KRT80: variants seen among roughly 807,000 people sequenced by gnomAD.
KRT80 encodes the protein keratin 80.
In KRT80, 36 loss-of-function variants were observed where a neutral mutation model predicts 51.5. That is an observed-to-expected ratio of 0.70 (90% CI 0.54 to 0.92). KRT80 has a LOEUF of 0.92. KRT80 is among the 40% of genes least tolerant of loss of function. KRT80 has a pLI of 0.00. For synonymous variants in KRT80, 235 were observed against 248.3 expected, an observed-to-expected ratio of 0.95 and a Z score of 0.50; for missense variants, 566 against 591.7, an observed-to-expected ratio of 0.96 and a Z score of 0.45.
Position 52,180,761 on chromosome 12 carries a change from G to T in KRT80, c.570+142C>A, listed in dbSNP as rs751806894. The T allele has an allele frequency of 3.5e-5, 56 of 1,584,026 alleles. No individual in the cohort carries two copies. In the Admixed American group the frequency reaches 8.2e-4, roughly 23 times the overall value. ...AAAAAGGAGCTGGATGGGGATGGGG[G>T]TATCTCCCTGTCTGTCTGTTGGTCC... On this transcript the variant is annotated intron_variant, in intron 3 of 8. Coordinates refer to ENST00000394815, the MANE Select transcript of KRT80 (RefSeq NM_182507.3).
chr12:52,175,861 C>T (rs1941209542), intron 4 of KRT80, among the ~76,000 whole-genome samples: 1 of 152,204 alleles, frequency 6.6e-6, no homozygotes, highest in Non-Finnish European at 1.5e-5. Flanking sequence ...CACTAGCCGA[C>T]ATTTCCCATG....
At chr12:52,182,993 G>A (rs1362771009) in intron 2 of KRT80, among the ~76,000 whole-genome samples, 1 of 152,172 alleles carries the variant, frequency 6.6e-6, no homozygotes, top group African/African-American at 2.4e-5. Context: ...GTTTGACCTG[G>A]TACCCTGCAT....
rs767569862 is a variant in KRT80, at chr12:52,171,731, G to C, written c.1179-18C>G. 65 of 1,431,282 alleles carry C rather than the reference G, an allele frequency of 4.5e-5. 1 individual carries two copies. Among genetic ancestry groups the C allele is most frequent in the East Asian group, 1.2e-4 (5 of 40,628 alleles). The allele number at this position is 1,431,282 out of a possible 1,614,324, so 88.7% of individuals were successfully genotyped here. On this transcript the variant is annotated intron_variant, in intron 7 of 8. Coordinates refer to ENST00000394815, the MANE Select transcript of KRT80 (RefSeq NM_182507.3). The stretch of plus-strand genomic sequence containing the variant: ...AGTCCATCCTGGGGGTGGGGGACGG[G>C]GGGGTGGGAGAGGGATATGATGGGA...
At chr12:52,186,463 G>A (rs552156561) in intron 1 of KRT80, among the ~76,000 whole-genome samples, 1 of 152,198 alleles carries the variant, frequency 6.6e-6, no homozygotes, top group South Asian at 2.1e-4. Context: ...TGCTCTACAT[G>A]CTTGACCCAT....
intron 1 of KRT80, among the ~76,000 whole-genome samples, chr12:52,187,150 C>A (rs1941419616): frequency 1.3e-5 from 2 of 152,234 alleles, no homozygotes; most frequent in African/African-American, 4.8e-5. Flanking sequence ...CTGGTTGGGG[C>A]CTGGCTCCCG....
intron 3 of KRT80, 75 bp downstream of exon 3, chr12:52,180,828 G>A (rs760534379): frequency 1.9e-6 from 3 of 1,608,710 alleles, no homozygotes; most frequent in South Asian, 1.1e-5. Context: ...GCATAAAGGA[G>A]AGTAGGATAT....
chr12:52,183,476 A>G (rs989858258), intron 2 of KRT80, among the ~76,000 whole-genome samples: 5 of 152,242 alleles, frequency 3.3e-5, no homozygotes, highest in Non-Finnish European at 5.9e-5. Flanking sequence ...GGCTCTGCAC[A>G]GTCAGGCTGT....
chr12:52,173,551 C>T, intron 5 of KRT80, 49 bp downstream of exon 5: 1 of 1,588,842 alleles, frequency 6.3e-7, no homozygotes, highest in Non-Finnish European at 8.6e-7. Context: ...TTCCTGCCAC[C>T]CAGAGAACTG....
intron 4 of KRT80, among the ~76,000 whole-genome samples, chr12:52,175,636 G>A (rs941365173): frequency 8.5e-5 from 13 of 152,214 alleles, no homozygotes; most frequent in East Asian, 3.9e-4. Flanking sequence ...CGGTAGTGGC[G>A]GGCATTCGGA....
In KRT80 at chr12:52,169,541, T is replaced by C. The variant is rs1412949153; in HGVS notation, c.*1857A>G. On this transcript the variant is annotated 3_prime_UTR_variant, in exon 9 of 9. Transcript: ENST00000394815. Reference sequence around the variant, plus strand: ...ACACAGCTTTCTCCATAGACAAATCTCAACACTTTATTCATCCTGTGGCAG... The same window carrying C: ...ACACAGCTTTCTCCATAGACAAATCCCAACACTTTATTCATCCTGTGGCAG... The C allele has an allele frequency of 6.6e-6, 1 of 152,540 alleles. No homozygotes were observed. Among genetic ancestry groups the C allele is most frequent in the Non-Finnish European group, 1.5e-5 (1 of 68,010 alleles). The allele number at this position is 152,540 out of a possible 1,614,324, so 9.4% of individuals were successfully genotyped here.
chr12:52,176,763 G>A (rs894085832), intron 4 of KRT80, among the ~76,000 whole-genome samples: 1 of 152,230 alleles, frequency 6.6e-6, no homozygotes, highest in African/African-American at 2.4e-5. Context: ...TTACAGGCGT[G>A]AGCCACTGTG....
At chr12:52,174,503 C>T (rs1477772272) in intron 4 of KRT80, among the ~76,000 whole-genome samples, 1 of 152,286 alleles carries the variant, frequency 6.6e-6, no homozygotes, top group South Asian at 2.1e-4. Context: ...ATATTTTCAC[C>T]GTCTCCTATC....
At position 52,191,822 on chromosome 12, in the gene KRT80, T is replaced by A; in HGVS notation, c.81A>T (p.Gly27=). 6.3e-7 allele frequency: 1 copy of A among 1,596,430 alleles called. No individual in the cohort carries two copies. Among genetic ancestry groups the A allele is most frequent in the Non-Finnish European group, 8.5e-7 (1 of 1,170,050 alleles). ...CCCTGCAGCTGTCCCATCCTGAGGT[T>A]CCAGGCCGGGGGCTGCCCACCGGGG... is the stretch of plus-strand genomic sequence containing the variant. ...EVTPVGSPRP[G]TSGWDSCRAP... is the part of the protein sequence containing the mutation. Residue 27 remains glycine, a synonymous_variant, in exon 1 of 9, where the codon GGA becomes GGT. Transcript: ENST00000394815.
At chr12:52,172,790 G>A (rs1941133931) in intron 6 of KRT80, among the ~76,000 whole-genome samples, 1 of 152,208 alleles carries the variant, frequency 6.6e-6, no homozygotes, top group Admixed American at 6.5e-5. Flanking sequence ...GGTGTGTGTA[G>A]TGTGGGGGCT....
intron 4 of KRT80, 46 bp from the exon 5 acceptor site, chr12:52,173,810 C>G: frequency 6.3e-7 from 1 of 1,580,262 alleles, no homozygotes; most frequent in Non-Finnish European, 8.6e-7. Flanking sequence ...GGGGAGGGCA[C>G]AAGGACCCTC....
intron 1 of KRT80, among the ~76,000 whole-genome samples, chr12:52,185,923 G>T (rs1320028566): frequency 1.3e-5 from 2 of 151,868 alleles, no homozygotes; most frequent in Non-Finnish European, 2.9e-5. Context: ...TGGGGCGGGA[G>T]ACCCCAGGGA....
intron 6 of KRT80, among the ~76,000 whole-genome samples, chr12:52,172,815 C>G (rs1200854838): frequency 6.6e-6 from 1 of 152,166 alleles, no homozygotes; most frequent in Non-Finnish European, 1.5e-5. Flanking sequence ...AACGTTCCAG[C>G]AGCCTTGACC....
At chr12:52,176,166 G>A (rs774257821) in intron 4 of KRT80, among the ~76,000 whole-genome samples, 16 of 152,236 alleles carry the variant, frequency 1.1e-4, no homozygotes, top group African/African-American at 2.7e-4. Flanking sequence ...GAAATGGAGC[G>A]TTCAGAACAT....
intron 4 of KRT80, 82 bp from the exon 5 acceptor site, chr12:52,173,846 G>T: frequency 7.1e-7 from 1 of 1,406,900 alleles, no homozygotes; most frequent in Non-Finnish European, 9.8e-7. Context: ...CTTTGTCCCC[G>T]GGGTGAGCGG....
Sources: gnomAD v4.1 joint callset for allele counts (sites outside exome capture counted in the v4.1 genomes callset) on GRCh38, gnomAD v4.1.1 for gene constraint, MANE v1.5 for transcripts, NCBI Gene and HGNC (gene_info 2026-07-23, HGNC 2026-07-21) for gene names.